Variants in CFHR5 observed in about 807,000 individuals in gnomAD.
The protein encoded by CFHR5 is complement factor H-related protein 5.
CFHR5 carries 73 observed loss-of-function variants against 62.9 expected under a neutral mutation model. That is an observed-to-expected ratio of 1.16 (90% CI 0.96 to 1.41). The LOEUF is 1.41. Ranked by LOEUF, CFHR5 falls within the 40% of genes most tolerant of loss-of-function variation. CFHR5 has a pLI of 0.00. For synonymous variants in CFHR5, 249 were observed against 227.2 expected, an observed-to-expected ratio of 1.10 and a Z score of -0.86; for missense variants, 779 against 679.9, an observed-to-expected ratio of 1.15 and a Z score of -1.62.
At chr1:196,996,903 A>G (rs1394976041) in intron 6 of CFHR5, among the ~76,000 whole-genome samples, 2 of 152,064 alleles carry the variant, frequency 1.3e-5, no homozygotes, top group African/African-American at 2.4e-5. Flanking sequence ...GTAGTAGTCT[A>G]TCAGCCTGTG....
intron 9 of CFHR5, 103 bp downstream of exon 9, chr1:197,004,946 A>G (rs1031750838): frequency 2.1e-6 from 2 of 932,416 alleles, no homozygotes; most frequent in Middle Eastern, 2.4e-4. Flanking sequence ...TCATTCAGTC[A>G]AAATCTTTCC....
upstream of CFHR5, among the ~76,000 whole-genome samples, chr1:196,976,863 G>A (rs1464703066): frequency 7.1e-6 from 1 of 141,346 alleles, no homozygotes; most frequent in African/African-American, 2.7e-5. Context: ...GGAGTGCAGT[G>A]GCGCGATCTC....
intron 1 of CFHR5, among the ~76,000 whole-genome samples, chr1:196,979,391 A>G (rs552415891): frequency 6.6e-6 from 1 of 152,134 alleles, no homozygotes; most frequent in South Asian, 2.1e-4. Context: ...ACAAACCTAG[A>G]TTGTATAGCC....
At chr1:196,979,032 G>A (rs1198225327) in intron 1 of CFHR5, among the ~76,000 whole-genome samples, 1 of 152,074 alleles carries the variant, frequency 6.6e-6, no homozygotes, top group Non-Finnish European at 1.5e-5. Flanking sequence ...TGGCCAAACA[G>A]CAGAAATAAC....
intron 3 of CFHR5, among the ~76,000 whole-genome samples, chr1:196,985,080 T>C (rs1288084976): frequency 6.6e-6 from 1 of 152,228 alleles, no homozygotes; most frequent in Non-Finnish European, 1.5e-5. Flanking sequence ...TTCTAAATTT[T>C]TTTTCAGTGG....
At position 197,009,536 on chromosome 1, in the gene CFHR5, C is replaced by T. The variant is rs1654382649; in HGVS notation, c.*853C>T. The T allele has an allele frequency of 6.6e-6, 1 of 152,124 alleles. No individual in the cohort carries two copies. Among genetic ancestry groups the T allele is most frequent in the African/African-American group, 2.4e-5 (1 of 41,414 alleles). The allele number at this position is 152,124 out of a possible 1,614,324, so 9.4% of individuals were successfully genotyped here. ...AGTCTCTATCTTCATGTTATTATCA[C>T]TTAAAAACCTGCGAAAGCTGTCAAC... is the stretch of plus-strand genomic sequence containing the variant. On this transcript the variant is annotated 3_prime_UTR_variant, in exon 10 of 10. Coordinates refer to ENST00000256785, the MANE Select transcript of CFHR5 (RefSeq NM_030787.4).
upstream of CFHR5, among the ~76,000 whole-genome samples, chr1:196,975,229 G>A (rs1054157881): frequency 1.4e-4 from 22 of 152,144 alleles, no homozygotes; most frequent in African/African-American, 2.9e-4. Context: ...GGGTTTAAGC[G>A]TAGTGTTGGG....
At position 197,003,365 on chromosome 1, in the gene CFHR5, C is replaced by T. The variant is rs1654200926; in HGVS notation, c.1330+701C>T. ...GCCAGGGGTTTGGGGACAATAGGAG[C>T]AATAGGCTGCACCATATAGCCTAGG... is the stretch of plus-strand genomic sequence containing the variant. On this transcript the variant is annotated intron_variant, in intron 8 of 9. Transcript: ENST00000256785. Among the ~76,000 whole-genome samples, 4 of 152,086 alleles carry T rather than the reference C, an allele frequency of 2.6e-5. No individual in the cohort carries two copies. In the South Asian group the frequency reaches 8.3e-4, roughly 32 times the overall value.
At position 196,993,390 on chromosome 1, in the gene CFHR5, G is replaced by T. The variant is rs951249211; in HGVS notation, c.431-690G>T. Among the ~76,000 whole-genome samples the T allele has an allele frequency of 1.6e-4, 24 of 152,108 alleles. 1 individual carries two copies. The highest frequency in any genetic ancestry group is 2.6e-4 in the Admixed American group (4 of 15,264). On this transcript the variant is annotated intron_variant, in intron 3 of 9. Coordinates refer to ENST00000256785, the MANE Select transcript of CFHR5 (RefSeq NM_030787.4). ...GCTCACTGCAACCTCCGCCTCCTGG[G>T]TTCAAGTGATTCACCTGCCTCAGCC...
intron 9 of CFHR5, among the ~76,000 whole-genome samples, chr1:197,007,552 C>T (rs1010540720): frequency 2.0e-5 from 3 of 151,020 alleles, no homozygotes; most frequent in Non-Finnish European, 1.5e-5. Context: ...GAGAGTTAAG[C>T]ACTCTAATAT....
chr1:197,002,442 A>G (rs1271725811), intron 7 of CFHR5, 40 bp from the exon 8 acceptor site: 2 of 1,525,134 alleles, frequency 1.3e-6, no homozygotes, highest in Non-Finnish European at 1.8e-6. Flanking sequence ...TTTTTACTTA[A>G]CTTTTATTAA....
chr1:196,983,321 G>A (rs1653592243), intron 2 of CFHR5, among the ~76,000 whole-genome samples: 1 of 152,120 alleles, frequency 6.6e-6, no homozygotes, highest in Non-Finnish European at 1.5e-5. Flanking sequence ...TTTTTAAACT[G>A]ATGATTAATA....
intron 3 of CFHR5, among the ~76,000 whole-genome samples, chr1:196,992,552 G>T (rs144415948): frequency 4.6e-5 from 7 of 152,262 alleles, no homozygotes; most frequent in African/African-American, 1.2e-4. Context: ...ACCAGTCCCA[G>T]TGAGATGAAC....
At chr1:196,990,843 T>C (rs1653824984) in intron 3 of CFHR5, among the ~76,000 whole-genome samples, 1 of 152,178 alleles carries the variant, frequency 6.6e-6, no homozygotes, top group South Asian at 2.1e-4. Context: ...CTGACAATTA[T>C]GTGTCCTGCT....
intron 1 of CFHR5, among the ~76,000 whole-genome samples, chr1:196,981,386 C>T (rs2125025839): frequency 6.6e-6 from 1 of 151,878 alleles, no homozygotes; most frequent in East Asian, 1.9e-4. Context: ...GTGAAGGGGG[C>T]TATTCATGTG....
At chr1:196,985,570 A>C (rs967833007) in intron 3 of CFHR5, among the ~76,000 whole-genome samples, 6 of 152,084 alleles carry the variant, frequency 3.9e-5, no homozygotes, top group Admixed American at 3.9e-4. Flanking sequence ...TATAGGCTTC[A>C]GTTATGGTAT....
chr1:196,981,829 T>C (rs1044187216), intron 1 of CFHR5, among the ~76,000 whole-genome samples: 2 of 152,026 alleles, frequency 1.3e-5, no homozygotes, highest in African/African-American at 4.8e-5. Flanking sequence ...ATAATGTAAA[T>C]ACTATATAAA....
At chr1:196,983,219 T>C (rs955459269) in intron 2 of CFHR5, 140 bp downstream of exon 2, 3 of 1,035,162 alleles carry the variant, frequency 2.9e-6, no homozygotes, top group Non-Finnish European at 4.5e-6. Flanking sequence ...TCCTCCTATT[T>C]TGAGACCCCT....
chr1:196,987,723 T>G (rs1451219923), intron 3 of CFHR5, among the ~76,000 whole-genome samples: 1 of 152,196 alleles, frequency 6.6e-6, no homozygotes, highest in Non-Finnish European at 1.5e-5. Flanking sequence ...TTGGTCTATA[T>G]CTCTGTTTTG....
Sources: allele counts gnomAD v4.1 joint callset (sites outside exome capture counted in the v4.1 genomes callset), GRCh38; gene constraint gnomAD v4.1.1; transcripts MANE v1.5; gene names NCBI Gene and HGNC (gene_info 2026-07-23, HGNC 2026-07-21).